Variants in CSMD1 observed in about 807,000 individuals in gnomAD.
CSMD1 encodes CUB and sushi domain-containing protein 1.
A neutral mutation model predicts 417.5 loss-of-function variants in CSMD1; 213 were observed. That is an observed-to-expected ratio of 0.51 (90% confidence interval 0.46 to 0.57). CSMD1 has a LOEUF of 0.57. Ranked by LOEUF, CSMD1 falls within the 20% of genes least tolerant of loss-of-function variation. CSMD1 has a pLI of 0.00. For missense variants in CSMD1, 6,923 were observed against 4,529.7 expected, an observed-to-expected ratio of 1.53 and a Z score of -15.17; for synonymous variants, 2,862 against 1,736.8, an observed-to-expected ratio of 1.65 and a Z score of -16.11.
rs146355532 is a variant in CSMD1 at position 4,903,369 on chromosome 8, T to C, written c.85+90963A>G. Among the ~76,000 whole-genome samples, 649 of 152,318 alleles carry C rather than the reference T, an allele frequency of 4.3e-3. 5 individuals carry two copies. Among genetic ancestry groups the C allele is most frequent in the African/African-American group, 0.015 (616 of 41,566 alleles). ...AGCTCTTAAATATACCCCTGTGGTT[T>C]TAATTCAGGAAGCTTCATGTCTTTA... On this transcript the variant is annotated intron_variant, in intron 1 of 69. Transcript: ENST00000635120.
In CSMD1 at chr8:4,274,585, T is replaced by C. The variant is rs533212642; in HGVS notation, c.415+145368A>G. On this transcript the variant is annotated intron_variant, in intron 3 of 69. Transcript: ENST00000635120. ...GGCCTTCTGTTCTTTAAATTATATC[T>C]ATTCTATTAATAGATTAATCTATGA... 1.1e-4 allele frequency among the ~76,000 whole-genome samples: 16 copies of C among 152,310 alleles called. No homozygotes were observed. In the East Asian group the frequency reaches 2.3e-3, roughly 22 times the overall value.
intron 3 of CSMD1, among the ~76,000 whole-genome samples, chr8:4,409,768 G>A (rs554006647): frequency 6.6e-6 from 1 of 151,604 alleles, no homozygotes; most frequent in Non-Finnish European, 1.5e-5. Flanking sequence ...TGTTCCAGGA[G>A]AATGTAATAT....
intron 1 of CSMD1, among the ~76,000 whole-genome samples, chr8:4,747,912 A>G (rs578061210): frequency 1.2e-4 from 18 of 152,362 alleles, no homozygotes; most frequent in African/African-American, 4.1e-4. Flanking sequence ...AGGATAATCA[A>G]TGACAAATAC....
At chr8:4,226,179 C>A (rs1030726718) in intron 3 of CSMD1, among the ~76,000 whole-genome samples, 2 of 151,850 alleles carry the variant, frequency 1.3e-5, no homozygotes, top group African/African-American at 4.8e-5. Flanking sequence ...CTCTTAGCAA[C>A]TTAAAGGAGA....
intron 3 of CSMD1, among the ~76,000 whole-genome samples, chr8:4,332,661 G>A (rs765903307): frequency 1.3e-5 from 2 of 150,494 alleles, no homozygotes; most frequent in South Asian, 2.1e-4. Context: ...CATTACTACC[G>A]TTTTGCTAGC....
chr8:4,441,520 C>G (rs1331620068), intron 2 of CSMD1, among the ~76,000 whole-genome samples: 1 of 152,008 alleles, frequency 6.6e-6, no homozygotes, highest in Non-Finnish European at 1.5e-5. Flanking sequence ...TTATAAATAA[C>G]TTTCAATTTT....
chr8:3,776,823 T>TATATATATATATATATATATAC (rs1173402964), intron 5 of CSMD1, among the ~76,000 whole-genome samples: 2 of 151,156 alleles, frequency 1.3e-5, no homozygotes, highest in African/African-American at 4.9e-5. Flanking sequence ...TATATATATA[T>TATATATATATATATATATATAC]ACAGATGACA....
At chr8:4,817,898 A>C (rs959808927) in intron 1 of CSMD1, among the ~76,000 whole-genome samples, 2 of 152,218 alleles carry the variant, frequency 1.3e-5, no homozygotes, top group African/African-American at 4.8e-5. Context: ...ACATTAGAAC[A>C]ATCAGCAACA....
chr8:4,794,637 C>A (rs926978301), intron 1 of CSMD1, among the ~76,000 whole-genome samples: 2 of 152,134 alleles, frequency 1.3e-5, no homozygotes, highest in Non-Finnish European at 2.9e-5. Flanking sequence ...TAGTCAGGAA[C>A]CTCCCCATTG....
In CSMD1 at chr8:3,387,126, TGA is replaced by T. The variant is rs149010872; in HGVS notation, c.2782+366_2782+367del. Among the ~76,000 whole-genome samples the T allele has an allele frequency of 7.9e-3, 1,200 of 152,214 alleles. 19 individuals carry two copies. Among genetic ancestry groups the T allele is most frequent in the African/African-American group, 0.027 (1,135 of 41,540 alleles). ...ACACGGACTGTAGACTGAGAGGAAG[TGA>T]GACACTGGGACGTATGTCAGGGGAA... On this transcript the variant is annotated intron_variant, in intron 18 of 69. Transcript: ENST00000635120.
intron 3 of CSMD1, among the ~76,000 whole-genome samples, chr8:4,217,335 T>G (rs1179771614): frequency 6.6e-6 from 1 of 152,230 alleles, no homozygotes; most frequent in Non-Finnish European, 1.5e-5. Context: ...GGTGCTGCCT[T>G]GGACTCTAAC....
intron 1 of CSMD1, among the ~76,000 whole-genome samples, chr8:4,939,461 C>G (rs930569717): frequency 6.6e-6 from 1 of 152,196 alleles, no homozygotes. Context: ...GAGTACTATT[C>G]AGCCTTTAAA....
chr8:3,492,089 T>C (rs542165440), intron 11 of CSMD1, among the ~76,000 whole-genome samples: 1 of 152,320 alleles, frequency 6.6e-6, no homozygotes, highest in East Asian at 1.9e-4. Context: ...AAGGTGTATG[T>C]GAATTTCCTC....
At chr8:3,740,876 C>T (rs1237982793) in intron 6 of CSMD1, among the ~76,000 whole-genome samples, 3 of 152,054 alleles carry the variant, frequency 2.0e-5, no homozygotes, top group African/African-American at 7.2e-5. Context: ...AGGCAGAGCC[C>T]TACTCAGCTT....
At chr8:4,600,900 A>C (rs1800544526) in intron 2 of CSMD1, among the ~76,000 whole-genome samples, 1 of 152,210 alleles carries the variant, frequency 6.6e-6, no homozygotes, top group South Asian at 2.1e-4. Flanking sequence ...GAGGAAGCTA[A>C]GAAAAATATT....
chr8:4,157,249 G>C (rs919642034), intron 3 of CSMD1, among the ~76,000 whole-genome samples: 4 of 152,286 alleles, frequency 2.6e-5, no homozygotes, highest in African/African-American at 7.2e-5. Flanking sequence ...AACAGGGCCC[G>C]TTTGTCTACA....
intron 3 of CSMD1, among the ~76,000 whole-genome samples, chr8:4,196,072 G>C (rs569316310): frequency 6.6e-6 from 1 of 152,066 alleles, no homozygotes; most frequent in African/African-American, 2.4e-5. Flanking sequence ...TTAGCCGGGC[G>C]TGGTGACGGG....
chr8:4,091,054 G>A (rs536016045), intron 3 of CSMD1, among the ~76,000 whole-genome samples: 1 of 151,960 alleles, frequency 6.6e-6, no homozygotes, highest in African/African-American at 2.4e-5. Context: ...AAGTATCTGG[G>A]TCTACAGGCA....
chr8:3,820,902 C>T (rs190739141), intron 5 of CSMD1, among the ~76,000 whole-genome samples: 1 of 151,938 alleles, frequency 6.6e-6, no homozygotes, highest in East Asian at 2.0e-4. Flanking sequence ...AAGGACCTGC[C>T]TGAGGGTGTT....
Sources: allele counts gnomAD v4.1 joint callset (sites outside exome capture counted in the v4.1 genomes callset), GRCh38; gene constraint gnomAD v4.1.1; transcripts MANE v1.5; gene names NCBI Gene and HGNC (gene_info 2026-07-23, HGNC 2026-07-21).